The following LMO7 variants were observed in gnomAD, a reference collection of about 807,000 sequenced individuals.
The protein encoded by LMO7 is LIM domain only protein 7.
LMO7 carries 120 observed loss-of-function variants against 206.5 expected under a neutral mutation model. The observed-to-expected ratio is 0.58, with a 90% CI of 0.50 to 0.68. The LOEUF is 0.68. Ranked by LOEUF, LMO7 falls within the 30% of genes least tolerant of loss-of-function variation. The pLI, the probability that LMO7 is intolerant of heterozygous loss-of-function variation, is 0.00. For missense variants in LMO7, 1,959 were observed against 1,957.9 expected, an observed-to-expected ratio of 1.00 and a Z score of -0.01; for synonymous variants, 706 against 681.5, an observed-to-expected ratio of 1.04 and a Z score of -0.56.
chr13:75,657,003 G>A (rs531877404), intron 1 of LMO7, among the ~76,000 whole-genome samples: 1 of 152,330 alleles, frequency 6.6e-6, no homozygotes, highest in East Asian at 1.9e-4. Context: ...AAACGAGATT[G>A]TTAGGGTCGG....
At chr13:75,825,123 A>G (rs2057991070) in intron 15 of LMO7, among the ~76,000 whole-genome samples, 1 of 152,062 alleles carries the variant, frequency 6.6e-6, no homozygotes, top group Non-Finnish European at 1.5e-5. Context: ...ATCTAAAAAC[A>G]GTTTCTTCAG....
chr13:75,679,906 A>T (rs956581054), intron 1 of LMO7, among the ~76,000 whole-genome samples: 1 of 152,100 alleles, frequency 6.6e-6, no homozygotes, highest in African/African-American at 2.4e-5. Flanking sequence ...TTTTAAAAAA[A>T]TTTTTATTTT....
chr13:75,717,362 CAAAAA>C (rs55749528), intron 2 of LMO7, among the ~76,000 whole-genome samples: 1 of 90,808 alleles, frequency 1.1e-5, no homozygotes, highest in Admixed American at 1.3e-4. Flanking sequence ...GACTCCGTCT[CAAAAA>C]AAAAAAAAAA....
chr13:75,838,212 A>G lies in LMO7; in HGVS notation c.3451+16A>G. 1 of 1,601,006 alleles carries G rather than the reference A, an allele frequency of 6.2e-7. No homozygotes were observed. Among genetic ancestry groups the G allele is most frequent in the Non-Finnish European group, 8.6e-7 (1 of 1,168,426 alleles). On this transcript the variant is annotated intron_variant, in intron 20 of 30. Transcript: ENST00000377534. Reference sequence around the variant, plus strand: ...TTTGAACAAGGTAAACCACAAAGCTAACAATTCATGCACTTTCATGGAATT... The same window carrying G: ...TTTGAACAAGGTAAACCACAAAGCTGACAATTCATGCACTTTCATGGAATT...
chr13:75,851,112 A>C (rs2060470067), intron 27 of LMO7, among the ~76,000 whole-genome samples: 2 of 152,206 alleles, frequency 1.3e-5, no homozygotes, highest in Non-Finnish European at 2.9e-5. Context: ...CCCATTGGCC[A>C]AATTAGTCAT....
intron 3 of LMO7, among the ~76,000 whole-genome samples, chr13:75,734,446 T>C (rs1162967729): frequency 6.6e-6 from 1 of 152,216 alleles, no homozygotes; most frequent in African/African-American, 2.4e-5. Flanking sequence ...AACCTTACTA[T>C]TTTTACACTA....
At chr13:75,775,852 G>T (rs1477945267) in intron 4 of LMO7, among the ~76,000 whole-genome samples, 1 of 151,684 alleles carries the variant, frequency 6.6e-6, no homozygotes, top group Non-Finnish European at 1.5e-5. Context: ...ATGCTGACAC[G>T]ATGCTGTTGG....
chr13:75,807,599 C>G lies in LMO7; in HGVS notation c.1316C>G (p.Ser439Cys). Residue 439 changes from serine to cysteine, a missense_variant, in exon 10 of 31, where the codon TCT becomes TGT. Transcript: ENST00000377534. ...PRLITRRKNL[S>C]YAPGYRRDDL... is the part of the protein sequence containing the mutation. ...CTCATAACCCGCAGGAAGAATCTCT[C>G]TTATGCACCAGGCTATAGAAGAGAT... The G allele has an allele frequency of 6.2e-7, 1 of 1,614,006 alleles. No homozygotes were observed. The highest frequency in any genetic ancestry group is 8.5e-7 in the Non-Finnish European group (1 of 1,179,872).
chr13:75,635,403 C>T (rs1321239579), upstream of LMO7, among the ~76,000 whole-genome samples: 5 of 152,250 alleles, frequency 3.3e-5, no homozygotes, highest in Admixed American at 6.5e-5. Flanking sequence ...GTGAAAAAGA[C>T]CCGCGCAAGC....
intron 3 of LMO7, among the ~76,000 whole-genome samples, chr13:75,730,491 T>C (rs2045048991): frequency 6.6e-6 from 1 of 152,178 alleles, no homozygotes; most frequent in African/African-American, 2.4e-5. Flanking sequence ...TTATCATTTT[T>C]TGTTGCGTCT....
intron 1 of LMO7, among the ~76,000 whole-genome samples, chr13:75,666,754 A>C (rs2039104562): frequency 6.6e-6 from 1 of 152,220 alleles, no homozygotes; most frequent in South Asian, 2.1e-4. Context: ...TTTTATCTTG[A>C]ATGCAGTAGG....
intron 26 of LMO7, among the ~76,000 whole-genome samples, chr13:75,846,091 T>G (rs1168626401): frequency 6.9e-6 from 1 of 144,858 alleles, no homozygotes; most frequent in East Asian, 2.0e-4. Flanking sequence ...CTTCCTGTTG[T>G]AACAGAAAAG....
intron 4 of LMO7, among the ~76,000 whole-genome samples, chr13:75,774,583 A>AT (rs1182651709): frequency 6.6e-6 from 1 of 152,088 alleles, no homozygotes; most frequent in Non-Finnish European, 1.5e-5. Flanking sequence ...TTTTATTATG[A>AT]TTTTAGCTCA....
At chr13:75,805,313 A>G (rs1256348828) in intron 8 of LMO7, 166 bp from the exon 9 acceptor site, 6 of 926,172 alleles carry the variant, frequency 6.5e-6, no homozygotes, top group Non-Finnish European at 6.3e-6. Context: ...TTAAAATGAG[A>G]TGCTGTTATA....
chr13:75,626,435 G>C (rs1593841160), intron 2 of LMO7, among the ~76,000 whole-genome samples: 2 of 101,134 alleles, frequency 2.0e-5, no homozygotes, highest in African/African-American at 5.4e-5. Context: ...GAGAAAAGCA[G>C]GGGAAAAACC....
At chr13:75,710,195 A>C (rs561778026) in intron 1 of LMO7, among the ~76,000 whole-genome samples, 1 of 152,132 alleles carries the variant, frequency 6.6e-6, no homozygotes, top group Non-Finnish European at 1.5e-5. Flanking sequence ...TGTTTTGGTT[A>C]CTATAGCCTT....
In LMO7 at chr13:75,819,378, T is replaced by G; in HGVS notation, c.2065-15T>G. On this transcript the variant is annotated splice_polypyrimidine_tract_variant and intron_variant, in intron 12 of 30. Coordinates refer to ENST00000377534, the MANE Select transcript of LMO7 (RefSeq NM_001306080.2). ...AAATTCAGGTGTGCCCCTGCTGATG[T>G]GATTTTTCTGTCAGGACCTTGCAAA... is the stretch of plus-strand genomic sequence containing the variant. 6.3e-7 allele frequency: 1 copy of G among 1,585,604 alleles called. No homozygotes were observed. Among genetic ancestry groups the G allele is most frequent in the Non-Finnish European group, 8.5e-7 (1 of 1,170,394 alleles).
chr13:75,713,326 C>T (rs757223173), intron 2 of LMO7, 74 bp downstream of exon 2: 4 of 1,087,356 alleles, frequency 3.7e-6, no homozygotes, highest in Non-Finnish European at 5.4e-6. Context: ...AGGTGTTTGG[C>T]TCCTCCCATG....
chr13:75,814,406 G>A lies in LMO7; in HGVS notation c.1947-2755G>A, dbSNP rs550416518. ...TGCACATGCACACACAGACACACAT[G>A]CACTGTAACAGACATAAGGCTGAGG... is the stretch of plus-strand genomic sequence containing the variant. On this transcript the variant is annotated intron_variant, in intron 11 of 30. Transcript: ENST00000377534. Among the ~76,000 whole-genome samples the A allele has an allele frequency of 8.5e-5, 13 of 152,232 alleles. No individual in the cohort carries two copies. The South Asian group carries it at 1.9e-3, about 22-fold the overall frequency.
Sources: allele counts gnomAD v4.1 joint callset (sites outside exome capture counted in the v4.1 genomes callset), GRCh38; gene constraint gnomAD v4.1.1; transcripts MANE v1.5; gene names NCBI Gene and HGNC (gene_info 2026-07-23, HGNC 2026-07-21).